Variants in ALK observed in about 807,000 individuals in gnomAD.
ALK encodes the protein ALK tyrosine kinase receptor.
A neutral mutation model predicts 163.1 loss-of-function variants in ALK; 74 were observed. That is an observed-to-expected ratio of 0.45 (90% CI 0.38 to 0.55). ALK has a LOEUF of 0.55. Among genes scored for constraint, ALK ranks in the 20% least tolerant of loss-of-function variants. The pLI is 0.00. For synonymous variants in ALK, 960 were observed against 843.2 expected (o/e 1.14, Z -2.40); for missense variants, 2,063 against 2,105.3 (o/e 0.98, Z 0.39).
intron 11 of ALK, among the ~76,000 whole-genome samples, chr2:29,271,215 G>A (rs75141110): frequency 0.033 from 4,965 of 152,276 alleles, 122 homozygotes; most frequent in Non-Finnish European, 0.051. Context: ...CAAGGATGCC[G>A]TCATCCCCAG....
At chr2:29,863,762 A>G (rs1209572789) in intron 1 of ALK, among the ~76,000 whole-genome samples, 1 of 152,152 alleles carries the variant, frequency 6.6e-6, no homozygotes, top group Admixed American at 6.6e-5. Flanking sequence ...TGATCCAGCA[A>G]TCCTACTACT....
At chr2:29,496,259 C>T (rs1672020104) in intron 4 of ALK, among the ~76,000 whole-genome samples, 1 of 152,172 alleles carries the variant, frequency 6.6e-6, no homozygotes, top group African/African-American at 2.4e-5. Context: ...TACATCAGAT[C>T]CAAGCTTATT....
chr2:29,857,096 C>T (rs904529681), intron 1 of ALK, among the ~76,000 whole-genome samples: 1 of 152,072 alleles, frequency 6.6e-6, no homozygotes, highest in Non-Finnish European at 1.5e-5. Context: ...GAACTGGGCT[C>T]GAATTTATGC....
intron 3 of ALK, among the ~76,000 whole-genome samples, chr2:29,690,621 C>T (rs1678368554): frequency 6.6e-6 from 1 of 152,166 alleles, no homozygotes; most frequent in Non-Finnish European, 1.5e-5. Flanking sequence ...GATGGTTCTT[C>T]AAGATTTTAG....
At chr2:29,337,682 TCTC>T (rs1471313414) in intron 5 of ALK, among the ~76,000 whole-genome samples, 2 of 152,122 alleles carry the variant, frequency 1.3e-5, no homozygotes, top group East Asian at 1.9e-4. Flanking sequence ...TTTAGTTCCT[TCTC>T]CTCGCAGAGG....
intron 3 of ALK, among the ~76,000 whole-genome samples, chr2:29,643,880 C>G (rs1676793017): frequency 1.3e-5 from 2 of 152,082 alleles, no homozygotes; most frequent in South Asian, 2.1e-4. Context: ...CCATTTGACC[C>G]AGCCATCCCA....
chr2:29,541,812 C>T (rs905435772), intron 3 of ALK, among the ~76,000 whole-genome samples: 3 of 152,112 alleles, frequency 2.0e-5, no homozygotes, highest in East Asian at 1.9e-4. Context: ...GAAAAATTAA[C>T]GGAGAGGTTG....
intron 2 of ALK, among the ~76,000 whole-genome samples, chr2:29,715,204 C>T (rs989867150): frequency 6.6e-6 from 1 of 152,190 alleles, no homozygotes; most frequent in Non-Finnish European, 1.5e-5. Context: ...GGAATGCCCA[C>T]CATAGTCAGT....
At chr2:29,303,169 A>C (rs571531900) in intron 8 of ALK, among the ~76,000 whole-genome samples, 6 of 152,286 alleles carry the variant, frequency 3.9e-5, no homozygotes, top group Middle Eastern at 6.8e-3. Context: ...ACAAATCAAG[A>C]AAAAACCAAA....
intron 5 of ALK, among the ~76,000 whole-genome samples, chr2:29,355,878 A>G (rs2148283030): frequency 6.6e-6 from 1 of 151,860 alleles, no homozygotes; most frequent in South Asian, 2.1e-4. Context: ...GACACCTAAG[A>G]CTCTCTGGCT....
intron 5 of ALK, among the ~76,000 whole-genome samples, chr2:29,364,583 C>A (rs1668459470): frequency 6.6e-6 from 1 of 152,138 alleles, no homozygotes. Flanking sequence ...AACTGAAGCC[C>A]AGTGTAGGGT....
intron 3 of ALK, among the ~76,000 whole-genome samples, chr2:29,595,896 T>C (rs1056638726): frequency 5.9e-5 from 9 of 152,214 alleles, no homozygotes; most frequent in African/African-American, 2.2e-4. Context: ...AGAAGAACCC[T>C]GGACACTGAT....
chr2:29,886,236 G>A (rs1010073326), intron 1 of ALK, among the ~76,000 whole-genome samples: 2 of 152,122 alleles, frequency 1.3e-5, no homozygotes, highest in African/African-American at 4.8e-5. Context: ...GACTGTTTAT[G>A]TTATCAGTAA....
intron 1 of ALK, among the ~76,000 whole-genome samples, chr2:29,827,623 G>T (rs1665238980): frequency 6.6e-6 from 1 of 152,148 alleles, no homozygotes; most frequent in Non-Finnish European, 1.5e-5. Flanking sequence ...CTAAGAAACT[G>T]ATTCCACAGC....
Position 29,193,919 on chromosome 2 carries a change from G to C in ALK, c.4168C>G (p.Pro1390Ala), listed in dbSNP as rs1668958001. The C allele has an allele frequency of 1.2e-6, 2 of 1,614,120 alleles. No individual in the cohort carries two copies. The highest frequency in any genetic ancestry group is 1.7e-6 in the Non-Finnish European group (2 of 1,179,996). ...LERIEYCTQDPDVINTALPIE... is the reference protein window; with the variant it reads ...LERIEYCTQDADVINTALPIE... The stretch of plus-strand genomic sequence containing the variant: ...GGCAAAGCGGTGTTGATTACATCCG[G>C]GTCCTGCCGTAGGGGAAATTATTAA... The change falls in exon 29 of 29, where the codon CCG becomes GCG. Residue 1390 changes from proline (P) to alanine (A), a missense_variant. By Grantham distance (27) the Pro-to-Ala change is conservative (BLOSUM62 -1). Transcript: ENST00000389048.
At chr2:29,406,863 C>T (rs1334630611) in intron 4 of ALK, among the ~76,000 whole-genome samples, 1 of 147,332 alleles carries the variant, frequency 6.8e-6, no homozygotes, top group Non-Finnish European at 1.5e-5. Context: ...CGCGCCACTG[C>T]ACTCCAGCCT....
chr2:29,331,039 G>A (rs975675927), intron 5 of ALK, among the ~76,000 whole-genome samples: 10 of 152,142 alleles, frequency 6.6e-5, no homozygotes, highest in African/African-American at 1.7e-4. Context: ...CCTGACTCCC[G>A]CTGAAATCCC....
chr2:29,384,655 T>G (rs1668986232), intron 4 of ALK, among the ~76,000 whole-genome samples: 1 of 151,680 alleles, frequency 6.6e-6, no homozygotes, highest in South Asian at 2.1e-4. Flanking sequence ...TCTGCGAGTG[T>G]GTGTGTGTGT....
intron 3 of ALK, among the ~76,000 whole-genome samples, chr2:29,684,747 C>A (rs753867557): frequency 6.6e-6 from 1 of 152,234 alleles, no homozygotes; most frequent in South Asian, 2.1e-4. Flanking sequence ...GAGGGTGAGT[C>A]TTCTGTAGGC....
Sources: allele counts gnomAD v4.1 joint callset (sites outside exome capture counted in the v4.1 genomes callset), GRCh38; gene constraint gnomAD v4.1.1; transcripts MANE v1.5; gene names NCBI Gene and HGNC (gene_info 2026-07-23, HGNC 2026-07-21).